SLC25A26: variants seen among roughly 807,000 people sequenced by gnomAD.
SLC25A26 encodes the protein mitochondrial S-adenosylmethionine carrier protein.
Under a neutral mutation model 37.8 loss-of-function variants are expected in SLC25A26, and 36 were observed. The observed-to-expected ratio is 0.95, with a 90% CI of 0.73 to 1.26. The LOEUF is 1.26. Ranked by LOEUF, SLC25A26 falls within the 50% of genes most tolerant of loss-of-function variation. The probability of loss-of-function intolerance (pLI) is 0.00; values close to 1 mark genes in which losing one functional copy is unlikely to be tolerated. For synonymous variants in SLC25A26, 129 were observed against 122.5 expected (o/e 1.05, Z -0.35); for missense variants, 390 against 331.1 (o/e 1.18, Z -1.38).
chr3:66,313,695 A>G (rs908230934), intron 5 of SLC25A26, among the ~76,000 whole-genome samples: 2 of 152,196 alleles, frequency 1.3e-5, no homozygotes, highest in African/African-American at 4.8e-5. Context: ...CATTGAATCT[A>G]TAAATTACTT....
At chr3:66,155,909 ACT>A (rs1393398648) in intron 1 of SLC25A26, among the ~76,000 whole-genome samples, 5 of 151,960 alleles carry the variant, frequency 3.3e-5, no homozygotes, top group South Asian at 2.1e-4. Context: ...AGACCACTCC[ACT>A]CTCTCATTTT....
At chr3:66,197,195 G>A (rs1250359816) in intron 1 of SLC25A26, among the ~76,000 whole-genome samples, 1 of 151,982 alleles carries the variant, frequency 6.6e-6, no homozygotes, top group African/African-American at 2.4e-5. Flanking sequence ...ACTTCTGTTT[G>A]CCAACCTAAA....
At position 66,378,274 on chromosome 3, in the gene SLC25A26, G is replaced by A. The variant is rs190764146; in HGVS notation, c.*467G>A. ...CCCCTAGTTAATTCCTGTTGTGTAA[G>A]GGTAGGCTTTGTTGAAAAAGAAAGA... On this transcript the variant is annotated 3_prime_UTR_variant, in exon 10 of 10. Coordinates refer to ENST00000354883, the MANE Select transcript of SLC25A26 (RefSeq NM_001379210.1). 361 of 153,514 alleles carry A rather than the reference G, an allele frequency of 2.4e-3. 1 individual carries two copies. The highest frequency in any genetic ancestry group is 3.8e-3 in the Non-Finnish European group (258 of 68,588). 9.5% of individuals were successfully genotyped at this position (153,514 alleles called of 1,614,324 possible).
intron 1 of SLC25A26, among the ~76,000 whole-genome samples, chr3:66,201,565 G>A (rs2071110808): frequency 6.6e-6 from 1 of 151,900 alleles, no homozygotes; most frequent in Non-Finnish European, 1.5e-5. Flanking sequence ...AAAACTCCTG[G>A]GCCCAATCGA....
intron 5 of SLC25A26, among the ~76,000 whole-genome samples, chr3:66,285,328 T>C (rs749187464): frequency 1.3e-5 from 2 of 151,722 alleles, no homozygotes; most frequent in Non-Finnish European, 2.9e-5. Context: ...GGATTTTTGC[T>C]ATGTGAGTTG....
chr3:66,268,130 A>T (rs532047116), intron 5 of SLC25A26, among the ~76,000 whole-genome samples: 1 of 152,332 alleles, frequency 6.6e-6, no homozygotes, highest in South Asian at 2.1e-4. Context: ...TTTTATAATG[A>T]TTGCATAGTA....
intron 1 of SLC25A26, among the ~76,000 whole-genome samples, chr3:66,182,570 A>C (rs572854206): frequency 6.6e-6 from 1 of 152,256 alleles, no homozygotes; most frequent in South Asian, 2.1e-4. Flanking sequence ...TCAATGCTTG[A>C]AAGGTTCCCA....
intron 1 of SLC25A26, among the ~76,000 whole-genome samples, chr3:66,229,720 A>G (rs782055485): frequency 6.6e-6 from 1 of 152,230 alleles, no homozygotes; most frequent in Non-Finnish European, 1.5e-5. Flanking sequence ...TACAAAGACC[A>G]AGTTGAAACC....
intron 1 of SLC25A26, among the ~76,000 whole-genome samples, chr3:66,221,779 C>A (rs2071507124): frequency 6.7e-6 from 1 of 150,180 alleles, no homozygotes; most frequent in Non-Finnish European, 1.5e-5. Flanking sequence ...TTTGGAGCGT[C>A]TGGTAGAGGA....
chr3:66,282,222 A>G (rs935146574), intron 5 of SLC25A26, among the ~76,000 whole-genome samples: 3 of 151,550 alleles, frequency 2.0e-5, no homozygotes. Flanking sequence ...CTTGTTAGCC[A>G]GGATGGTCTC....
intron 6 of SLC25A26, among the ~76,000 whole-genome samples, chr3:66,351,383 C>G (rs978268463): frequency 1.9e-4 from 29 of 152,284 alleles, no homozygotes; most frequent in African/African-American, 6.7e-4. Context: ...TATCCAAAGT[C>G]TTAGAGAAGA....
At chr3:66,322,518 A>G (rs1188868913) in intron 5 of SLC25A26, among the ~76,000 whole-genome samples, 2 of 152,242 alleles carry the variant, frequency 1.3e-5, no homozygotes, top group Non-Finnish European at 2.9e-5. Context: ...ACAAAGCCTC[A>G]TAACTGAGGT....
intron 1 of SLC25A26, among the ~76,000 whole-genome samples, chr3:66,223,426 A>G (rs1319632395): frequency 6.6e-6 from 1 of 152,174 alleles, no homozygotes; most frequent in African/African-American, 2.4e-5. Context: ...TTTATGGGCT[A>G]GGGAAAATAA....
At chr3:66,323,063 A>G (rs1166655315) in intron 5 of SLC25A26, among the ~76,000 whole-genome samples, 2 of 152,248 alleles carry the variant, frequency 1.3e-5, no homozygotes, top group Non-Finnish European at 1.5e-5. Flanking sequence ...GTAGGAATGT[A>G]CTATAGTAGC....
intron 5 of SLC25A26, among the ~76,000 whole-genome samples, chr3:66,325,820 AG>A (rs1357802243): frequency 6.6e-6 from 1 of 152,204 alleles, no homozygotes; most frequent in Non-Finnish European, 1.5e-5. Context: ...AAATCACTGA[AG>A]GTTTTATAAA....
intron 2 of SLC25A26, among the ~76,000 whole-genome samples, chr3:66,240,311 A>C (rs1487792039): frequency 6.6e-6 from 1 of 152,122 alleles, no homozygotes; most frequent in Non-Finnish European, 1.5e-5. Context: ...TCCCCCTGAG[A>C]CCAGGTCTCA....
At chr3:66,239,816 C>CTTTTTTT (rs536690709) in intron 2 of SLC25A26, among the ~76,000 whole-genome samples, 8 of 110,154 alleles carry the variant, frequency 7.3e-5, no homozygotes, top group South Asian at 3.4e-4. Context: ...TCCTTTCTTT[C>CTTTTTTT]TTTTTTTTTT....
chr3:66,306,142 G>A (rs1240486532), intron 5 of SLC25A26, among the ~76,000 whole-genome samples: 1 of 152,054 alleles, frequency 6.6e-6, no homozygotes, highest in Non-Finnish European at 1.5e-5. Flanking sequence ...GCACCACCAT[G>A]CCCAGCTAAT....
intron 1 of SLC25A26, among the ~76,000 whole-genome samples, chr3:66,182,544 T>C (rs2070732485): frequency 6.6e-6 from 1 of 152,096 alleles, no homozygotes; most frequent in Non-Finnish European, 1.5e-5. Context: ...AAGCAAGGCC[T>C]AAAAGTTGCA....
Sources: allele counts gnomAD v4.1 joint callset (sites outside exome capture counted in the v4.1 genomes callset), GRCh38; gene constraint gnomAD v4.1.1; transcripts MANE v1.5; gene names NCBI Gene and HGNC (gene_info 2026-07-23, HGNC 2026-07-21).